Variants in VPS41 observed in about 807,000 individuals in gnomAD.
The protein encoded by VPS41 is vacuolar protein sorting-associated protein 41 homolog.
VPS41 carries 85 observed loss-of-function variants against 130.9 expected under a neutral mutation model. That is an observed-to-expected ratio of 0.65 (90% CI 0.55 to 0.78). VPS41 has a LOEUF of 0.78. VPS41 is among the 30% of genes least tolerant of loss of function. The pLI is 0.00. For missense variants in VPS41, 874 were observed against 1,018.7 expected (o/e 0.86, Z 1.93); for synonymous variants, 335 against 332.9 (o/e 1.01, Z -0.07).
At position 38,810,101 on chromosome 7, in the gene VPS41, CT is replaced by C. The variant is rs201960284; in HGVS notation, c.450+7715del. 2.6e-4 allele frequency among the ~76,000 whole-genome samples: 37 copies of C among 144,822 alleles called. 1 individual carries two copies. Among genetic ancestry groups the C allele is most frequent in the Middle Eastern group, 3.5e-3 (1 of 284 alleles). ...GGCACTTTTAAGAGATGTGCTTTCT[CT>C]TTTTTTTTTTTCAAGATGGAAACAA... is the stretch of plus-strand genomic sequence containing the variant. On this transcript the variant is annotated intron_variant, in intron 7 of 28. Transcript: ENST00000310301.
intron 4 of VPS41, among the ~76,000 whole-genome samples, chr7:38,856,677 T>C (rs560755038): frequency 9.2e-5 from 14 of 152,008 alleles, no homozygotes; most frequent in South Asian, 2.1e-4. Context: ...AGACGTTAAA[T>C]AGGAATGTGA....
rs543562172 is a variant in VPS41 at position 38,739,086 on chromosome 7, C to T, written c.2259+2899G>A. Among the ~76,000 whole-genome samples, 8 of 152,344 alleles carry T rather than the reference C, an allele frequency of 5.3e-5. No homozygotes were observed. In the South Asian group the frequency reaches 1.4e-3, roughly 28 times the overall value. Reference sequence around the variant, plus strand: ...CAAAGCAGTGCCCAAGTTTTAAATGCTGTATACTCTATTGTCAATCTCCCT... The same window carrying T: ...CAAAGCAGTGCCCAAGTTTTAAATGTTGTATACTCTATTGTCAATCTCCCT... On this transcript the variant is annotated intron_variant, in intron 25 of 28. Coordinates refer to ENST00000310301, the MANE Select transcript of VPS41 (RefSeq NM_014396.4).
chr7:38,864,487 G>T (rs1180052729), intron 3 of VPS41, among the ~76,000 whole-genome samples: 1 of 152,032 alleles, frequency 6.6e-6, no homozygotes, highest in Non-Finnish European at 1.5e-5. Context: ...TTGTGTTTAG[G>T]AAAACATTTC....
chr7:38,791,970 T>A (rs4723789), intron 9 of VPS41, among the ~76,000 whole-genome samples: 88,999 of 151,944 alleles, frequency 0.59, 26,729 homozygotes, highest in East Asian at 0.88. Flanking sequence ...AAAGACAATG[T>A]TATTATGTTT....
At chr7:38,767,268 T>C (rs932634763) in intron 15 of VPS41, among the ~76,000 whole-genome samples, 1 of 152,144 alleles carries the variant, frequency 6.6e-6, no homozygotes, top group African/African-American at 2.4e-5. Context: ...TCCTTCATGG[T>C]TCTTGATACC....
chr7:38,799,312 G>A (rs758796749), intron 7 of VPS41, among the ~76,000 whole-genome samples: 4 of 151,958 alleles, frequency 2.6e-5, no homozygotes, highest in African/African-American at 7.3e-5. Flanking sequence ...AATTAATAAC[G>A]AAGAATGAGA....
intron 2 of VPS41, among the ~76,000 whole-genome samples, chr7:38,893,071 C>T (rs1014156241): frequency 2.0e-5 from 3 of 152,116 alleles, no homozygotes; most frequent in Non-Finnish European, 2.9e-5. Context: ...AACCCCTTCC[C>T]TACTCTCAAC....
At chr7:38,752,984 T>C (rs1783711906) in intron 21 of VPS41, among the ~76,000 whole-genome samples, 1 of 152,194 alleles carries the variant, frequency 6.6e-6, no homozygotes, top group Non-Finnish European at 1.5e-5. Flanking sequence ...TTTTCAAAAC[T>C]GATTCCTTAC....
At chr7:38,764,455 G>A (rs1783988620) in intron 16 of VPS41, among the ~76,000 whole-genome samples, 1 of 152,128 alleles carries the variant, frequency 6.6e-6, no homozygotes, top group African/African-American at 2.4e-5. Context: ...ATAGGCAGGA[G>A]GGAAGCAACA....
chr7:38,794,769 C>T (rs1405169747), intron 9 of VPS41, among the ~76,000 whole-genome samples: 1 of 152,136 alleles, frequency 6.6e-6, no homozygotes. Context: ...TTTATACTTC[C>T]ACTAATTTTT....
chr7:38,727,060 G>A (rs542842626), intron 27 of VPS41, 72 bp from the exon 28 acceptor site: 2 of 1,354,188 alleles, frequency 1.5e-6, no homozygotes, highest in Non-Finnish European at 1.9e-6. Flanking sequence ...AATCCCGACT[G>A]AAAGTCGAGT....
At chr7:38,795,276 G>A (rs534266288) in intron 9 of VPS41, among the ~76,000 whole-genome samples, 189 bp downstream of exon 9, 1 of 152,234 alleles carries the variant, frequency 6.6e-6, no homozygotes, top group Non-Finnish European at 1.5e-5. Flanking sequence ...TACATGCCAT[G>A]GAAAAGAAAG....
intron 21 of VPS41, among the ~76,000 whole-genome samples, chr7:38,753,398 C>G (rs1783719999): frequency 6.6e-6 from 1 of 152,018 alleles, no homozygotes; most frequent in Non-Finnish European, 1.5e-5. Flanking sequence ...GCAGTACAAG[C>G]AGTAGACTGA....
chr7:38,867,849 T>G (rs964738453), intron 3 of VPS41, among the ~76,000 whole-genome samples: 22 of 152,138 alleles, frequency 1.4e-4, no homozygotes, highest in Non-Finnish European at 4.4e-5. Context: ...GTTGAGAGTA[T>G]GGCTGAGGGG....
At chr7:38,888,439 A>G (rs1452246033) in intron 2 of VPS41, among the ~76,000 whole-genome samples, 1 of 152,240 alleles carries the variant, frequency 6.6e-6, no homozygotes, top group African/African-American at 2.4e-5. Flanking sequence ...CAGGTATTAC[A>G]TAATGGTAAA....
At chr7:38,768,674 G>T (rs530731022) in intron 14 of VPS41, among the ~76,000 whole-genome samples, 2 of 151,930 alleles carry the variant, frequency 1.3e-5, no homozygotes, top group Non-Finnish European at 2.9e-5. Flanking sequence ...CAGATCACAC[G>T]TAACAATTCT....
At position 38,776,886 on chromosome 7, in the gene VPS41, C is replaced by T. The variant is rs190025976; in HGVS notation, c.785-110G>A. On this transcript the variant is annotated intron_variant, in intron 10 of 28. Transcript: ENST00000310301. ...TAGTGGACCCCTTTTTAAAAGCTAACGTAAAGGGGACACCGTTGAACATAC... is the reference window on the plus strand; with the variant it reads ...TAGTGGACCCCTTTTTAAAAGCTAATGTAAAGGGGACACCGTTGAACATAC... 1.3e-3 allele frequency: 737 copies of T among 578,888 alleles called. 1 individual carries two copies. Among genetic ancestry groups the T allele is most frequent in the Non-Finnish European group, 1.3e-3 (408 of 315,240 alleles). The allele number at this position is 578,888 out of a possible 1,614,324, so 35.9% of individuals were successfully genotyped here.
chr7:38,810,101 CTTTTT>C (rs201960284), intron 7 of VPS41, among the ~76,000 whole-genome samples: 2 of 144,888 alleles, frequency 1.4e-5, no homozygotes, highest in African/African-American at 5.1e-5. Context: ...TGTGCTTTCT[CTTTTT>C]TTTTTTTCAA....
At chr7:38,756,213 T>TACAC (rs3839727) in intron 19 of VPS41, among the ~76,000 whole-genome samples, 12,350 of 146,496 alleles carry the variant, frequency 0.084, 630 homozygotes, top group African/African-American at 0.13. Context: ...AGATTTCTTT[T>TACAC]ACACACACAC....
Sources: gnomAD v4.1 joint callset for allele counts (sites outside exome capture counted in the v4.1 genomes callset) on GRCh38, gnomAD v4.1.1 for gene constraint, MANE v1.5 for transcripts, NCBI Gene and HGNC (gene_info 2026-07-23, HGNC 2026-07-21) for gene names.